Variants in DNAI3 observed in about 807,000 individuals in gnomAD.
DNAI3 encodes the protein WD repeat domain 63.
Under a neutral mutation model 115.5 loss-of-function variants are expected in DNAI3, and 83 were observed. The observed-to-expected ratio is 0.72, with a 90% confidence interval of 0.60 to 0.86. The LOEUF (loss-of-function observed/expected upper bound fraction) is 0.86, where lower values mean the gene tolerates loss of function less well. Among genes scored for constraint, DNAI3 ranks in the 40% least tolerant of loss-of-function variants. The pLI is 0.00. For missense variants in DNAI3, 1,004 were observed against 1,075.8 expected, an observed-to-expected ratio of 0.93 and a Z score of 0.93; for synonymous variants, 320 against 347.0, an observed-to-expected ratio of 0.92 and a Z score of 0.86.
Position 85,128,693 on chromosome 1 carries a change from T to A in DNAI3, c.2318-15T>A, listed in dbSNP as rs745860833. On this transcript the variant is annotated splice_polypyrimidine_tract_variant and intron_variant, in intron 20 of 22. Coordinates refer to ENST00000294664, the MANE Select transcript of DNAI3 (RefSeq NM_145172.5). ...TTTGCTGATTTTTTCCTCCCATTTA[T>A]TTTAAAATTTTCAGCTAAACAGCAA... is the stretch of plus-strand genomic sequence containing the variant. 1.4e-5 allele frequency: 22 copies of A among 1,597,290 alleles called. No homozygotes were observed. Among genetic ancestry groups the A allele is most frequent in the Non-Finnish European group, 1.7e-5 (20 of 1,173,146 alleles).
intron 12 of DNAI3, 131 bp from the exon 13 acceptor site, chr1:85,098,399 C>A: frequency 2.8e-6 from 3 of 1,075,282 alleles, no homozygotes; most frequent in South Asian, 1.7e-5. Flanking sequence ...TATAGAGAAA[C>A]ACTAATTTAT....
intron 1 of DNAI3, among the ~76,000 whole-genome samples, chr1:85,063,659 G>C (rs938689760): frequency 3.3e-5 from 5 of 152,188 alleles, no homozygotes; most frequent in African/African-American, 1.2e-4. Flanking sequence ...ATCTGGAAGA[G>C]AATGCTACTG....
intron 7 of DNAI3, among the ~76,000 whole-genome samples, 156 bp from the exon 8 acceptor site, chr1:85,089,960 A>T (rs1162467403): frequency 1.3e-5 from 2 of 152,118 alleles, no homozygotes; most frequent in Admixed American, 1.3e-4. Context: ...GGTCAATATC[A>T]GTTGTCTAGG....
At chr1:85,100,450 G>A (rs1375771928) in intron 13 of DNAI3, among the ~76,000 whole-genome samples, 17 of 152,074 alleles carry the variant, frequency 1.1e-4, no homozygotes, top group African/African-American at 1.9e-4. Flanking sequence ...TTAGAATGGC[G>A]ATCATTAAAA....
At chr1:85,103,560 G>T (rs2100592013) in intron 13 of DNAI3, among the ~76,000 whole-genome samples, 1 of 152,218 alleles carries the variant, frequency 6.6e-6, no homozygotes, top group East Asian at 1.9e-4. Context: ...TAATGAAATG[G>T]TGGTATATCA....
In DNAI3 at chr1:85,090,257, A is replaced by T. The variant is rs969505230; in HGVS notation, c.857+25A>T. 2.2e-6 allele frequency: 3 copies of T among 1,337,208 alleles called. No homozygotes were observed. In the African/African-American group the frequency reaches 4.5e-5, roughly 20 times the overall value. 82.8% of individuals were successfully genotyped at this position (1,337,208 alleles called of 1,614,324 possible). On this transcript the variant is annotated intron_variant, in intron 8 of 22. Coordinates refer to ENST00000294664, the MANE Select transcript of DNAI3 (RefSeq NM_145172.5). ...GGTAAAAAATTGCATATTAAATTTT[A>T]AAAATAAAACATAAAATGTATATGT...
chr1:85,120,690 T>G (rs1655971812), intron 17 of DNAI3, among the ~76,000 whole-genome samples: 1 of 152,098 alleles, frequency 6.6e-6, no homozygotes, highest in Admixed American at 6.5e-5. Context: ...GTGGTATCCG[T>G]GAGGGTGATG....
Position 85,082,394 on chromosome 1 carries a change from A to T in DNAI3, c.380A>T (p.Asn127Ile), listed in dbSNP as rs201360254. The T allele has an allele frequency of 1.6e-5, 26 of 1,612,280 alleles. No homozygotes were observed. The East Asian group carries it at 2.9e-4, about 18-fold the overall frequency. ...YLIATEEGKE[N>I]YLNPPEVPEE... ...ATTGCAACTGAAGAGGGCAAAGAAA[A>T]CTATTTAAATGTGAGCAAACCCCAA... is the stretch of plus-strand genomic sequence containing the variant. The change falls in exon 5 of 23, where the codon AAC becomes ATC. Residue 127 changes from asparagine (N) to isoleucine (I), a missense_variant. Around this residue, in one of 3 missense-constraint regions of DNAI3, gnomAD observed 550 missense variants for 568.1 expected, o/e 0.97. Coordinates refer to ENST00000294664, the MANE Select transcript of DNAI3 (RefSeq NM_145172.5).
At chr1:85,111,574 T>C (rs1053614603) in intron 16 of DNAI3, among the ~76,000 whole-genome samples, 1 of 152,200 alleles carries the variant, frequency 6.6e-6, no homozygotes, top group African/African-American at 2.4e-5. Flanking sequence ...AAGCTGGGAA[T>C]TTCCATTACC....
intron 1 of DNAI3, among the ~76,000 whole-genome samples, chr1:85,069,825 G>A (rs1654212880): frequency 6.6e-6 from 1 of 152,172 alleles, no homozygotes; most frequent in Non-Finnish European, 1.5e-5. Flanking sequence ...AAAAGGAATA[G>A]ATGAAAGATT....
intron 6 of DNAI3, 27 bp from the exon 7 acceptor site, chr1:85,085,804 T>C: frequency 7.4e-7 from 1 of 1,347,720 alleles, no homozygotes; most frequent in Admixed American, 1.9e-5. Flanking sequence ...TTCATTATGT[T>C]ACCTTTACTG....
intron 13 of DNAI3, 64 bp downstream of exon 13, chr1:85,098,722 G>A (rs1042961334): frequency 1.9e-6 from 3 of 1,581,760 alleles, no homozygotes; most frequent in South Asian, 1.2e-5. Context: ...TTTATGCAAA[G>A]AAGATGTTTC....
At chr1:85,095,175 C>T (rs1655088697) in intron 10 of DNAI3, among the ~76,000 whole-genome samples, 1 of 152,176 alleles carries the variant, frequency 6.6e-6, no homozygotes, top group Admixed American at 6.5e-5. Flanking sequence ...GTTTGCTACA[C>T]AGGGTTCTAG....
At chr1:85,084,746 A>G (rs1162714712) in intron 6 of DNAI3, 51 bp downstream of exon 6, 3 of 1,338,374 alleles carry the variant, frequency 2.2e-6, no homozygotes, top group Non-Finnish European at 2.9e-6. Context: ...TAGCTGAACA[A>G]CACTTATTCC....
rs775978031 is a variant in DNAI3, at chr1:85,129,968, C to T, written c.2410-22C>T. The T allele has an allele frequency of 5.6e-6, 9 of 1,605,248 alleles. No individual in the cohort carries two copies. The Admixed American group carries it at 1.5e-4, about 27-fold the overall frequency. On this transcript the variant is annotated intron_variant, in intron 21 of 22. Coordinates refer to ENST00000294664, the MANE Select transcript of DNAI3 (RefSeq NM_145172.5). ...GGGGGCTTCCTGCCTGTCACCCTCT[C>T]ATGGACTTCTGTTTCTAACAGATGG...
chr1:85,119,549 G>T (rs922836295), intron 17 of DNAI3, among the ~76,000 whole-genome samples: 1 of 152,130 alleles, frequency 6.6e-6, no homozygotes, highest in African/African-American at 2.4e-5. Flanking sequence ...GACACCCCCT[G>T]CTCAAACTCT....
At chr1:85,107,210 C>T (rs559801620) in intron 14 of DNAI3, among the ~76,000 whole-genome samples, 32 of 152,204 alleles carry the variant, frequency 2.1e-4, no homozygotes, top group Non-Finnish European at 5.9e-5. Context: ...CACAGAGTTA[C>T]CATTTAACCC....
At chr1:85,100,508 C>T (rs569910441) in intron 13 of DNAI3, among the ~76,000 whole-genome samples, 99 of 152,252 alleles carry the variant, frequency 6.5e-4, no homozygotes, top group Middle Eastern at 6.8e-3. Context: ...AATAGGAACA[C>T]TTTTACACTG....
chr1:85,097,761 G>GAA (rs111398421), intron 12 of DNAI3, 106 bp downstream of exon 12: 87 of 762,832 alleles, frequency 1.1e-4, no homozygotes, highest in Middle Eastern at 2.6e-4. Context: ...GAGAAAAAAG[G>GAA]AAAAAAAAAA....
Sources: allele counts gnomAD v4.1 joint callset (sites outside exome capture counted in the v4.1 genomes callset), GRCh38; gene constraint gnomAD v4.1.1; regional missense constraint gnomAD v4.1.1; transcripts MANE v1.5; gene names NCBI Gene and HGNC (gene_info 2026-07-23, HGNC 2026-07-21).